Variants in CUX1 observed in about 807,000 individuals in gnomAD.
CUX1 encodes the protein cut like homeobox 1.
Under a neutral mutation model 158.8 loss-of-function variants are expected in CUX1, and 31 were observed. That is an observed-to-expected ratio of 0.20 (90% CI 0.15 to 0.26). The LOEUF is 0.26. Ranked by LOEUF, CUX1 falls within the 10% of genes least tolerant of loss-of-function variation. CUX1 has a pLI of 1.00. For missense variants in CUX1, 1,589 were observed against 2,014.6 expected (o/e 0.79, Z 4.04); for synonymous variants, 879 against 862.1 (o/e 1.02, Z -0.34).
intron 1 of CUX1, among the ~76,000 whole-genome samples, chr7:101,848,872 T>C (rs1446087083): frequency 6.6e-6 from 1 of 150,656 alleles, no homozygotes; most frequent in Non-Finnish European, 1.5e-5. Flanking sequence ...AAAAAAGAGT[T>C]TGAAAAAAGT....
intron 1 of CUX1, among the ~76,000 whole-genome samples, chr7:101,836,735 A>C (rs1584708394): frequency 6.7e-6 from 1 of 148,562 alleles, no homozygotes; most frequent in South Asian, 2.2e-4. Context: ...CCCCACGGCC[A>C]GTGGGCATTA....
chr7:101,904,814 C>A (rs1183398999), intron 1 of CUX1, among the ~76,000 whole-genome samples: 1 of 152,154 alleles, frequency 6.6e-6, no homozygotes, highest in Non-Finnish European at 1.5e-5. Flanking sequence ...GGTGATCCCC[C>A]TGCCTTGCCC....
intron 2 of CUX1, among the ~76,000 whole-genome samples, chr7:101,976,089 C>T (rs973373397): frequency 6.6e-6 from 1 of 152,164 alleles, no homozygotes; most frequent in African/African-American, 2.4e-5. Context: ...GCCGAGATCA[C>T]ACCACTGCAC....
At chr7:101,997,012 G>T (rs188606114) in intron 2 of CUX1, among the ~76,000 whole-genome samples, 3 of 141,430 alleles carry the variant, frequency 2.1e-5, no homozygotes, top group Non-Finnish European at 4.4e-5. Flanking sequence ...TGTGCACTCC[G>T]GCCCAGCCTT....
intron 6 of CUX1, among the ~76,000 whole-genome samples, chr7:102,105,217 ACT>A (rs1414136222): frequency 6.7e-5 from 10 of 148,502 alleles, no homozygotes; most frequent in East Asian, 4.0e-4. Context: ...ACACACACAG[ACT>A]CTCTGATGTA....
At chr7:102,242,202 T>C (rs797026464) in intron 23 of CUX1, among the ~76,000 whole-genome samples, 54 of 136,434 alleles carry the variant, frequency 4.0e-4, no homozygotes, top group African/African-American at 1.4e-3. Flanking sequence ...ACTTTCTTTC[T>C]TTCTTTTTTT....
At chr7:101,951,028 C>G (rs754062535) in intron 2 of CUX1, among the ~76,000 whole-genome samples, 2 of 152,108 alleles carry the variant, frequency 1.3e-5, no homozygotes, top group Non-Finnish European at 2.9e-5. Context: ...TGATTAACTT[C>G]GCTGGTTAAA....
rs1004021033 is a variant in CUX1 at position 101,916,460 on chromosome 7, C to G, written c.141+235C>G. The G allele has an allele frequency of 7.2e-6, 3 of 416,232 alleles. No individual in the cohort carries two copies. The highest frequency in any genetic ancestry group is 6.1e-5 in the African/African-American group (3 of 48,964). The allele number at this position is 416,232 out of a possible 1,614,324, so 25.8% of individuals were successfully genotyped here. A position where few individuals can be genotyped will look rare whatever the true frequency, so the allele number is the denominator to read the frequency against. On this transcript the variant is annotated intron_variant, in intron 2 of 23. Transcript: ENST00000292535. The surrounding 1 kb of genome is among the most constrained non-coding windows in gnomAD (Gnocchi z 4.4). ...GGAAATATGAAAGTCAGAGCCAATT[C>G]CAGGTGCAGATACTGGACAAGCTTG...
intron 18 of CUX1, chr7:102,278,162 C>T: frequency 1.3e-6 from 1 of 743,742 alleles, no homozygotes; most frequent in Non-Finnish European, 2.2e-6. Flanking sequence ...CCAAGACCTG[C>T]TGGGCAGCAC....
At chr7:102,105,952 T>C (rs1585700197) in intron 6 of CUX1, among the ~76,000 whole-genome samples, 1 of 152,200 alleles carries the variant, frequency 6.6e-6, no homozygotes, top group East Asian at 1.9e-4. Context: ...TATGTATCCA[T>C]CAACAGGAAG....
rs1191930538 is a variant in CUX1 at position 102,253,605 on chromosome 7, CA to C, written c.*4564del. On this transcript the variant is annotated 3_prime_UTR_variant, in exon 24 of 24. Coordinates refer to ENST00000292535, the MANE Select transcript of CUX1 (RefSeq NM_181552.4). Reference sequence around the variant, plus strand: ...AAATCTTACTGAAAAATAGCAGAGCCAGGGGAACAGACGCATGTCCTTCTGG... The same window carrying C: ...AAATCTTACTGAAAAATAGCAGAGCCGGGGAACAGACGCATGTCCTTCTGG... 1.0e-6 allele frequency: 1 copy of C among 985,318 alleles called. No homozygotes were observed. Among genetic ancestry groups the C allele is most frequent in the Admixed American group, 6.2e-5 (1 of 16,260 alleles). 61.0% of individuals were successfully genotyped at this position (985,318 alleles called of 1,614,324 possible).
intron 1 of CUX1, among the ~76,000 whole-genome samples, chr7:101,871,014 G>A (rs984489826): frequency 3.3e-5 from 5 of 152,196 alleles, no homozygotes; most frequent in African/African-American, 1.2e-4. Flanking sequence ...GTAGGAGAGC[G>A]GGTGTTGCCC....
At chr7:101,935,090 G>GCC in intron 2 of CUX1, among the ~76,000 whole-genome samples, 1 of 152,202 alleles carries the variant, frequency 6.6e-6, no homozygotes, top group South Asian at 2.1e-4. Context: ...CATCCAGATG[G>GCC]CCGGTTCCTG....
intron 11 of CUX1, 65 bp from the exon 12 acceptor site, chr7:102,189,748 C>T (rs1241406451): frequency 5.8e-6 from 9 of 1,555,864 alleles, no homozygotes; most frequent in South Asian, 3.3e-5. Flanking sequence ...CAGTGAATGC[C>T]GTCGGTGAAG....
intron 8 of CUX1, among the ~76,000 whole-genome samples, chr7:102,151,468 C>T (rs1320271688): frequency 6.6e-6 from 1 of 152,000 alleles, no homozygotes; most frequent in South Asian, 2.1e-4. Context: ...CAGGGAGAAT[C>T]GCTTGAACCC....
Position 102,248,546 on chromosome 7 carries a change from T to C in CUX1, c.4022T>C (p.Val1341Ala). Residue 1341 changes from valine (V) to alanine (A), a missense_variant, in exon 24 of 24, where the codon GTG becomes GCG. Val to Ala is a moderately conservative substitution (Grantham distance 64, BLOSUM62 0). This residue lies in a region of CUX1 where 344 missense variants were observed against 323.7 expected (regional missense o/e 1.06). Coordinates refer to ENST00000292535, the MANE Select transcript of CUX1 (RefSeq NM_181552.4). The surrounding 1 kb of genome is among the most constrained non-coding windows in gnomAD (Gnocchi z 5.8). ...TCGGAGGGCGACAGCTGCGACGGCG[T>C]GGAGGCCACTGAGGGCCCAGGCAGC... The part of the protein sequence containing the change: ...PSSEGDSCDG[V>A]EATEGPGSAD... 6.6e-7 allele frequency: 1 copy of C among 1,505,246 alleles called. No homozygotes were observed. The highest frequency in any genetic ancestry group is 8.8e-7 in the Non-Finnish European group (1 of 1,130,830). 93.2% of individuals were successfully genotyped at this position (1,505,246 alleles called of 1,614,324 possible). A position where few individuals can be genotyped will look rare whatever the true frequency, so the allele number is the denominator to read the frequency against.
In CUX1 at chr7:102,258,053, G is replaced by A. The variant is rs141459613; in HGVS notation, c.*9011G>A. 2.8e-4 allele frequency: 276 copies of A among 985,108 alleles called. 2 individuals carry two copies. The African/African-American group carries it at 4.2e-3, about 15-fold the overall frequency. The allele number at this position is 985,108 out of a possible 1,614,324, so 61.0% of individuals were successfully genotyped here. The stretch of plus-strand genomic sequence containing the variant: ...CGTGGGGGTGGGGGAGGCACCCGTC[G>A]GCCCCTTGGTGTTGTCCCTCTGTCT... On this transcript the variant is annotated 3_prime_UTR_variant, in exon 24 of 24. Transcript: ENST00000292535.
In CUX1 at chr7:102,248,588, C is replaced by T. The variant is rs2132619218; in HGVS notation, c.4064C>T (p.Pro1355Leu). ...EGPGSADTEE[P>L]KSQGEAEREE... ...CCAGGCAGCGCCGACACCGAGGAGC[C>T]CAAGTCTCAGGGAGAGGCCGAGCGG... Residue 1355 changes from proline (P) to leucine (L), a missense_variant, in exon 24 of 24, where the codon CCC (proline) becomes CTC (leucine). Transcript: ENST00000292535. The surrounding 1 kb of genome is among the most constrained non-coding windows in gnomAD (Gnocchi z 5.8). The T allele has an allele frequency of 6.8e-7, 1 of 1,480,402 alleles. No homozygotes were observed. Among genetic ancestry groups the T allele is most frequent in the South Asian group, 1.3e-5 (1 of 79,478 alleles). The allele number at this position is 1,480,402 out of a possible 1,614,324, so 91.7% of individuals were successfully genotyped here.
intron 2 of CUX1, among the ~76,000 whole-genome samples, chr7:101,965,112 C>T (rs898333853): frequency 6.6e-6 from 1 of 152,232 alleles, no homozygotes; most frequent in African/African-American, 2.4e-5. Context: ...TGCCCCTGAG[C>T]CTCCTCGGAA....
Sources: allele counts gnomAD v4.1 joint callset (sites outside exome capture counted in the v4.1 genomes callset), GRCh38; gene constraint gnomAD v4.1.1; regional missense constraint gnomAD v4.1.1; non-coding constraint Gnocchi (gnomAD v3.1); transcripts MANE v1.5; gene names NCBI Gene and HGNC (gene_info 2026-07-23, HGNC 2026-07-21).